Variants in PRTFDC1 observed in about 807,000 individuals in gnomAD.
The protein encoded by PRTFDC1 is phosphoribosyltransferase domain-containing protein 1.
In PRTFDC1, 38 loss-of-function variants were observed where a neutral mutation model predicts 34.6. The observed-to-expected ratio is 1.10, with a 90% CI of 0.85 to 1.44. PRTFDC1 has a LOEUF of 1.44. Among genes scored for constraint, PRTFDC1 ranks in the 40% most tolerant of loss-of-function variants. The pLI, the probability that PRTFDC1 is intolerant of heterozygous loss-of-function variation, is 0.00. For synonymous variants in PRTFDC1, 93 were observed against 98.1 expected, an observed-to-expected ratio of 0.95 and a Z score of 0.31; for missense variants, 270 against 283.0, an observed-to-expected ratio of 0.95 and a Z score of 0.33.
chr10:24,912,387 T>C (rs1272923805), intron 3 of PRTFDC1, among the ~76,000 whole-genome samples: 1 of 150,026 alleles, frequency 6.7e-6, no homozygotes, highest in African/African-American at 2.4e-5. Flanking sequence ...CCAACTTTAC[T>C]TCCTCAACCA....
At chr10:24,950,088 C>T (rs564544008) in intron 1 of PRTFDC1, among the ~76,000 whole-genome samples, 3 of 152,092 alleles carry the variant, frequency 2.0e-5, no homozygotes, top group African/African-American at 7.2e-5. Flanking sequence ...AAAAAATTAC[C>T]TTGCTTCCAA....
At chr10:24,923,491 G>A (rs952596080) in intron 3 of PRTFDC1, among the ~76,000 whole-genome samples, 2 of 152,184 alleles carry the variant, frequency 1.3e-5, no homozygotes, top group African/African-American at 2.4e-5. Context: ...TGCAGCCTCC[G>A]CTGGTGATAC....
At position 24,942,085 on chromosome 10, in the gene PRTFDC1, T is replaced by A. The variant is rs527324065; in HGVS notation, c.155+245A>T. 2.0e-5 allele frequency among the ~76,000 whole-genome samples: 3 copies of A among 152,332 alleles called. No homozygotes were observed. In the East Asian group the frequency reaches 5.8e-4, roughly 29 times the overall value. ...GACATTGTTATTTTGAGGCTGTTACTTATAATAGCTTATGTATGTATATCC... is the reference window on the plus strand; with the variant it reads ...GACATTGTTATTTTGAGGCTGTTACATATAATAGCTTATGTATGTATATCC... On this transcript the variant is annotated intron_variant, in intron 2 of 8. Coordinates refer to ENST00000320152, the MANE Select transcript of PRTFDC1 (RefSeq NM_020200.7).
At chr10:24,918,646 C>A (rs1848732644) in intron 3 of PRTFDC1, among the ~76,000 whole-genome samples, 1 of 152,060 alleles carries the variant, frequency 6.6e-6, no homozygotes, top group Admixed American at 6.6e-5. Context: ...AATTCCTGGG[C>A]TCAAGCAATC....
intron 3 of PRTFDC1, among the ~76,000 whole-genome samples, chr10:24,882,449 C>T (rs545864697): frequency 9.9e-5 from 15 of 152,226 alleles, no homozygotes; most frequent in African/African-American, 3.1e-4. Context: ...GTGGCTGGCA[C>T]GTTGTAGCAT....
At chr10:24,938,640 G>C (rs981191290) in intron 2 of PRTFDC1, among the ~76,000 whole-genome samples, 1 of 152,090 alleles carries the variant, frequency 6.6e-6, no homozygotes, top group Non-Finnish European at 1.5e-5. Flanking sequence ...AGGCTGGCTG[G>C]GGATTTGATA....
At chr10:24,885,832 C>T (rs957783705) in intron 3 of PRTFDC1, among the ~76,000 whole-genome samples, 1 of 152,140 alleles carries the variant, frequency 6.6e-6, no homozygotes, top group Non-Finnish European at 1.5e-5. Context: ...AGCTATCAAG[C>T]CATAAAAAGA....
chr10:24,911,053 C>G (rs1848619541), intron 3 of PRTFDC1, among the ~76,000 whole-genome samples: 1 of 152,050 alleles, frequency 6.6e-6, no homozygotes, highest in South Asian at 2.1e-4. Context: ...AAAATAAAAA[C>G]AGTGATAGTT....
At chr10:24,920,579 T>G (rs1848773136) in intron 3 of PRTFDC1, among the ~76,000 whole-genome samples, 1 of 151,604 alleles carries the variant, frequency 6.6e-6, no homozygotes, top group South Asian at 2.1e-4. Context: ...CTAACACATG[T>G]GGGGCTTAAT....
chr10:24,951,541 G>T, intron 1 of PRTFDC1: 2 of 984,494 alleles, frequency 2.0e-6, no homozygotes, highest in Non-Finnish European at 2.4e-6. Context: ...TCCCTCCCCA[G>T]CCCACTTACT....
intron 3 of PRTFDC1, among the ~76,000 whole-genome samples, chr10:24,880,776 G>A (rs1337675260): frequency 3.9e-5 from 6 of 151,980 alleles, no homozygotes; most frequent in Non-Finnish European, 2.9e-5. Flanking sequence ...GAGCCATTGC[G>A]TGGGCAAAAT....
intron 3 of PRTFDC1, among the ~76,000 whole-genome samples, chr10:24,890,460 C>T (rs1029332507): frequency 2.0e-5 from 3 of 152,210 alleles, no homozygotes; most frequent in Admixed American, 6.5e-5. Flanking sequence ...GAACAAGGCA[C>T]GTGGGTTGTC....
intron 3 of PRTFDC1, among the ~76,000 whole-genome samples, chr10:24,892,233 C>T (rs772611360): frequency 3.9e-5 from 6 of 152,104 alleles, no homozygotes; most frequent in Non-Finnish European, 7.4e-5. Context: ...GCAATCCACC[C>T]ACTTTGGCCT....
chr10:24,922,904 G>A lies in PRTFDC1; in HGVS notation c.339+14280C>T, dbSNP rs1346010099. Among the ~76,000 whole-genome samples the A allele has an allele frequency of 2.0e-5, 3 of 152,206 alleles. No homozygotes were observed. In the East Asian group the frequency reaches 5.8e-4, roughly 29 times the overall value. On this transcript the variant is annotated intron_variant, in intron 3 of 8. Coordinates refer to ENST00000320152, the MANE Select transcript of PRTFDC1 (RefSeq NM_020200.7). ...CCCTTTCCTAGCCAAGGGAAGCTGT[G>A]ACAGACTGTACCTGGAGGAACCGTA...
chr10:24,857,103 C>T (rs1474179505), intron 5 of PRTFDC1, 108 bp from the exon 6 acceptor site: 2 of 973,224 alleles, frequency 2.1e-6, no homozygotes, highest in African/African-American at 1.6e-5. Flanking sequence ...TTAAAAATGC[C>T]ATCCAATTTG....
At chr10:24,872,880 T>C (rs1312622208) in intron 3 of PRTFDC1, among the ~76,000 whole-genome samples, 1 of 147,580 alleles carries the variant, frequency 6.8e-6, no homozygotes, top group African/African-American at 2.5e-5. Flanking sequence ...TGATCCTAGC[T>C]CATTGCAGCC....
chr10:24,863,891 C>T lies in PRTFDC1; in HGVS notation c.406-5482G>A, dbSNP rs117497466. Among the ~76,000 whole-genome samples the T allele has an allele frequency of 8.6e-3, 1,310 of 151,454 alleles. 16 individuals carry two copies. The highest frequency in any genetic ancestry group is 0.014 in the Non-Finnish European group (975 of 67,898). ...AGTAGTTTGAGACCAGCCTGGGCAA[C>T]GTGGCAAAACCCTGTCTCTACAAAA... On this transcript the variant is annotated intron_variant, in intron 4 of 8. Coordinates refer to ENST00000320152, the MANE Select transcript of PRTFDC1 (RefSeq NM_020200.7).
At chr10:24,942,736 T>A (rs1849183933) in intron 1 of PRTFDC1, among the ~76,000 whole-genome samples, 1 of 152,150 alleles carries the variant, frequency 6.6e-6, no homozygotes, top group African/African-American at 2.4e-5. Context: ...CAACCTCTGC[T>A]TCCCAGGTTC....
At chr10:24,922,402 T>G (rs1174911317) in intron 3 of PRTFDC1, among the ~76,000 whole-genome samples, 1 of 152,220 alleles carries the variant, frequency 6.6e-6, no homozygotes, top group Non-Finnish European at 1.5e-5. Flanking sequence ...TACACAAGTC[T>G]CACCTTGAAT....
Sources: gnomAD v4.1 joint callset for allele counts (sites outside exome capture counted in the v4.1 genomes callset) on GRCh38, gnomAD v4.1.1 for gene constraint, MANE v1.5 for transcripts, NCBI Gene and HGNC (gene_info 2026-07-23, HGNC 2026-07-21) for gene names.